The following LRRC3B variants were observed in gnomAD, a reference collection of about 807,000 sequenced individuals.
LRRC3B encodes leucine rich repeat containing 3B.
In LRRC3B, 2 loss-of-function variants were observed where a neutral mutation model predicts 12.8. That is an observed-to-expected ratio of 0.16 (90% CI 0.06 to 0.49). The LOEUF (loss-of-function observed/expected upper bound fraction) is 0.49, where lower values mean the gene tolerates loss of function less well. LRRC3B is among the 20% of genes least tolerant of loss of function. The probability of loss-of-function intolerance (pLI) is 0.96; values close to 1 mark genes in which losing one functional copy is unlikely to be tolerated. For synonymous variants in LRRC3B, 132 were observed against 122.0 expected (o/e 1.08, Z -0.54); for missense variants, 189 against 319.4 (o/e 0.59, Z 3.11).
intron 1 of LRRC3B, among the ~76,000 whole-genome samples, chr3:26,680,384 ATC>A (rs1699946888): frequency 6.6e-6 from 1 of 152,234 alleles, no homozygotes; most frequent in Admixed American, 6.5e-5. Flanking sequence ...AATGGCTTGT[ATC>A]TCTGTTTTAG....
rs1559350159 is a variant in LRRC3B at position 26,636,890 on chromosome 3, C to CCTTCCTT, written c.-161+13653_-161+13654insCTTCCTT. Among the ~76,000 whole-genome samples, 426 of 86,920 alleles carry CCTTCCTT rather than the reference C, an allele frequency of 4.9e-3. 16 individuals are homozygous for CCTTCCTT. Among genetic ancestry groups the CCTTCCTT allele is most frequent in the Middle Eastern group, 0.013 (2 of 152 alleles). The allele number at this position is 86,920 out of a possible 152,430, so 57.0% of individuals were successfully genotyped here. ...CCTTCCTTCCTTCCTTCCTTCCTTT[C>CCTTCCTT]TCTCTCTCTCTCTTTCTCTCTTTCT... is the stretch of plus-strand genomic sequence containing the variant. On this transcript the variant is annotated intron_variant, in intron 1 of 1. Coordinates refer to ENST00000396641, the Ensembl canonical transcript of LRRC3B.
chr3:26,676,461 C>T (rs1166604115), intron 1 of LRRC3B, among the ~76,000 whole-genome samples: 5 of 152,140 alleles, frequency 3.3e-5, no homozygotes, highest in Non-Finnish European at 7.3e-5. Flanking sequence ...ATATGTGCCA[C>T]ATTTTCTTAA....
exon 2 of LRRC3B, chr3:26,710,594 T>A: frequency 1.3e-6 from 1 of 791,296 alleles, no homozygotes; most frequent in Non-Finnish European, 2.0e-6. Flanking sequence ...GCTGAACTTT[T>A]AACAAACACT....
At chr3:26,667,663 A>G (rs1008696129) in intron 1 of LRRC3B, among the ~76,000 whole-genome samples, 2 of 152,132 alleles carry the variant, frequency 1.3e-5, no homozygotes, top group African/African-American at 4.8e-5. Flanking sequence ...TTTAAAAAAG[A>G]TTTTCTGGAA....
intron 1 of LRRC3B, among the ~76,000 whole-genome samples, chr3:26,685,614 T>C (rs1383068775): frequency 8.6e-6 from 1 of 116,146 alleles, no homozygotes; most frequent in Admixed American, 9.9e-5. Context: ...TATGTGTGTG[T>C]GTATATATAT....
intron 1 of LRRC3B, among the ~76,000 whole-genome samples, chr3:26,642,007 C>A (rs1170810450): frequency 2.0e-5 from 3 of 152,090 alleles, no homozygotes; most frequent in Admixed American, 2.0e-4. Context: ...CATGAAAACA[C>A]ATTTTTATGA....
chr3:26,639,009 T>C lies in LRRC3B; in HGVS notation c.-161+15772T>C, dbSNP rs73148428. 2.6e-3 allele frequency among the ~76,000 whole-genome samples: 403 copies of C among 152,290 alleles called. 1 individual carries two copies. The highest frequency in any genetic ancestry group is 9.2e-3 in the African/African-American group (384 of 41,564). ...AGAAAGGATTGCATTTCCAAAATGATAACATCCTTGGAGTCAGCTTATAAT... is the reference window on the plus strand; with the variant it reads ...AGAAAGGATTGCATTTCCAAAATGACAACATCCTTGGAGTCAGCTTATAAT... On this transcript the variant is annotated intron_variant, in intron 1 of 1. Transcript: ENST00000396641.
At chr3:26,709,241 A>G (rs1026727564) in intron 1 of LRRC3B, among the ~76,000 whole-genome samples, 1 of 152,212 alleles carries the variant, frequency 6.6e-6, no homozygotes, top group African/African-American at 2.4e-5. Context: ...AGCAGCAGAG[A>G]AATAGGGAGT....
At position 26,653,644 on chromosome 3, in the gene LRRC3B, AT is replaced by A. The variant is rs1699310662; in HGVS notation, c.-161+30412del. ...TAAGATAACCTGAAGTCTAGCTGAG[AT>A]TTTTGAGAACTCTTGATCATGCTGG... On this transcript the variant is annotated intron_variant, in intron 1 of 1. Coordinates refer to ENST00000396641, the Ensembl canonical transcript of LRRC3B. Among the ~76,000 whole-genome samples, 6 of 152,152 alleles carry A rather than the reference AT, an allele frequency of 3.9e-5. No homozygotes were observed. In the South Asian group the frequency reaches 1.2e-3, roughly 32 times the overall value.
chr3:26,689,022 G>C (rs1257556931), intron 1 of LRRC3B, among the ~76,000 whole-genome samples: 2 of 152,138 alleles, frequency 1.3e-5, no homozygotes, highest in Non-Finnish European at 2.9e-5. Context: ...CCCATAATAG[G>C]ATGAGTGCCA....
intron 1 of LRRC3B, among the ~76,000 whole-genome samples, chr3:26,706,025 T>C (rs773587765): frequency 6.6e-6 from 1 of 152,148 alleles, no homozygotes; most frequent in African/African-American, 2.4e-5. Context: ...ATTTATTTCT[T>C]ACAGTTCTGG....
intron 1 of LRRC3B, among the ~76,000 whole-genome samples, chr3:26,667,074 CTG>C (rs1699620001): frequency 8.4e-6 from 1 of 119,066 alleles, no homozygotes; most frequent in African/African-American, 4.4e-5. Context: ...AAATGTCCCT[CTG>C]TGATTTTTTT....
intron 1 of LRRC3B, among the ~76,000 whole-genome samples, chr3:26,701,878 G>A (rs977958029): frequency 6.6e-6 from 1 of 152,102 alleles, no homozygotes; most frequent in Non-Finnish European, 1.5e-5. Context: ...TCCAAAAAAA[G>A]TTATATGGTA....
chr3:26,666,236 C>T (rs541001243), intron 1 of LRRC3B, among the ~76,000 whole-genome samples: 7 of 151,632 alleles, frequency 4.6e-5, no homozygotes, highest in East Asian at 1.9e-4. Flanking sequence ...GCAGAGTAAC[C>T]GCAAGGAAAA....
At chr3:26,660,689 T>A (rs1316598955) in intron 1 of LRRC3B, among the ~76,000 whole-genome samples, 1 of 152,146 alleles carries the variant, frequency 6.6e-6, no homozygotes, top group Non-Finnish European at 1.5e-5. Context: ...AATGGTCTTC[T>A]GACATATCTA....
At chr3:26,701,008 C>A (rs1179524650) in intron 1 of LRRC3B, among the ~76,000 whole-genome samples, 1 of 152,090 alleles carries the variant, frequency 6.6e-6, no homozygotes, top group African/African-American at 2.4e-5. Context: ...CTTGATCATT[C>A]TCTTCTAGTC....
intron 1 of LRRC3B, among the ~76,000 whole-genome samples, chr3:26,686,218 T>G (rs1420435132): frequency 2.0e-5 from 3 of 152,088 alleles, no homozygotes; most frequent in Non-Finnish European, 4.4e-5. Context: ...TAGCTGGGAC[T>G]ACAGGTGCCC....
At chr3:26,630,324 C>A (rs1698729761) in intron 1 of LRRC3B, among the ~76,000 whole-genome samples, 1 of 152,182 alleles carries the variant, frequency 6.6e-6, no homozygotes, top group African/African-American at 2.4e-5. Context: ...CCATAGTGCC[C>A]TTTGACAGTC....
At chr3:26,672,623 A>G (rs750442367) in intron 1 of LRRC3B, among the ~76,000 whole-genome samples, 4 of 152,210 alleles carry the variant, frequency 2.6e-5, no homozygotes, top group Non-Finnish European at 5.9e-5. Context: ...TGTTAAACGT[A>G]AAATCTCAAA....
Sources: gnomAD v4.1 joint callset for allele counts (sites outside exome capture counted in the v4.1 genomes callset) on GRCh38, gnomAD v4.1.1 for gene constraint, MANE v1.5 for transcripts, NCBI Gene and HGNC (gene_info 2026-07-23, HGNC 2026-07-21) for gene names.